Variants in MYO16 observed in about 807,000 individuals in gnomAD.
The protein encoded by MYO16 is unconventional myosin-XVI.
Under a neutral mutation model 205.3 loss-of-function variants are expected in MYO16, and 94 were observed. The observed-to-expected ratio is 0.46, with a 90% CI of 0.39 to 0.54. The LOEUF is 0.54. Among genes scored for constraint, MYO16 ranks in the 20% least tolerant of loss-of-function variants. The pLI is 0.00. For synonymous variants in MYO16, 988 were observed against 954.0 expected (o/e 1.04, Z -0.66); for missense variants, 2,315 against 2,387.5 (o/e 0.97, Z 0.63).
chr13:108,865,616 A>G (rs1253143341), intron 11 of MYO16, among the ~76,000 whole-genome samples: 3 of 151,910 alleles, frequency 2.0e-5, no homozygotes. Context: ...TAATTGGAGT[A>G]TTTGGTACCT....
chr13:109,080,718 G>GA (rs1888258473), intron 27 of MYO16, among the ~76,000 whole-genome samples: 2 of 151,842 alleles, frequency 1.3e-5, no homozygotes. Flanking sequence ...TCTGAGACAT[G>GA]AAAAAAAATT....
intron 33 of MYO16, among the ~76,000 whole-genome samples, chr13:109,174,840 C>T (rs1594159240): frequency 6.6e-6 from 1 of 150,464 alleles, no homozygotes; most frequent in Admixed American, 6.7e-5. Flanking sequence ...CAAACTCCGC[C>T]TCCCAGGTTC....
chr13:108,857,177 A>T (rs1190016390), intron 11 of MYO16, among the ~76,000 whole-genome samples: 1 of 151,882 alleles, frequency 6.6e-6, no homozygotes, highest in Non-Finnish European at 1.5e-5. Context: ...AAATAATCCC[A>T]CTCTTTAAGT....
intron 2 of MYO16, among the ~76,000 whole-genome samples, chr13:108,682,341 T>A (rs1255225249): frequency 1.3e-5 from 2 of 152,130 alleles, no homozygotes; most frequent in African/African-American, 4.8e-5. Context: ...ATGTCAGAGA[T>A]AACAAGAGGC....
intron 29 of MYO16, among the ~76,000 whole-genome samples, chr13:109,121,120 C>G (rs1166119439): frequency 6.6e-6 from 1 of 152,124 alleles, no homozygotes; most frequent in African/African-American, 2.4e-5. Context: ...GTCCCTTGAA[C>G]AGTCTCTGTT....
Position 108,898,009 on chromosome 13 carries a change from C to A in MYO16, c.1660-7C>A. The A allele has an allele frequency of 6.3e-7, 1 of 1,596,766 alleles. No individual in the cohort carries two copies. Among genetic ancestry groups the A allele is most frequent in the Non-Finnish European group, 8.6e-7 (1 of 1,164,240 alleles). On this transcript the variant is annotated splice_region_variant and splice_polypyrimidine_tract_variant and intron_variant, in intron 14 of 34. Coordinates refer to ENST00000457511, the MANE Select transcript of MYO16 (RefSeq NM_001198950.3). ...GCAGTTCAGTAAAATGTTCTCCTCT[C>A]CCACAGGTCGTGTGCATCTTAGAAG... is the stretch of plus-strand genomic sequence containing the variant.
intron 1 of MYO16, among the ~76,000 whole-genome samples, chr13:108,646,572 A>C (rs964867433): frequency 6.6e-6 from 1 of 152,190 alleles, no homozygotes; most frequent in African/African-American, 2.4e-5. Flanking sequence ...GCCTTTATCA[A>C]ATTTCAGATC....
intron 16 of MYO16, among the ~76,000 whole-genome samples, chr13:108,927,795 C>T (rs1348697239): frequency 1.3e-5 from 2 of 152,302 alleles, no homozygotes; most frequent in South Asian, 4.1e-4. Flanking sequence ...CAGGCGTTTC[C>T]TGCCCTCTCC....
intron 16 of MYO16, among the ~76,000 whole-genome samples, chr13:108,932,797 C>T (rs566178303): frequency 3.9e-5 from 6 of 152,172 alleles, no homozygotes; most frequent in Non-Finnish European, 7.3e-5. Context: ...CCTTTCCGCA[C>T]TGGTCCTTTG....
chr13:108,954,330 A>G (rs1883266565), intron 16 of MYO16, among the ~76,000 whole-genome samples: 1 of 152,190 alleles, frequency 6.6e-6, no homozygotes, highest in African/African-American at 2.4e-5. Context: ...TCAATGGATT[A>G]TTAACCTGTG....
At chr13:109,187,249 C>T (rs927814141) in intron 34 of MYO16, among the ~76,000 whole-genome samples, 1 of 152,192 alleles carries the variant, frequency 6.6e-6, no homozygotes, top group African/African-American at 2.4e-5. Context: ...CAGTTTCATG[C>T]ATGGCAAACA....
intron 20 of MYO16, among the ~76,000 whole-genome samples, chr13:108,966,036 C>G (rs1050549003): frequency 1.3e-5 from 2 of 152,094 alleles, no homozygotes; most frequent in Admixed American, 1.3e-4. Flanking sequence ...CAGAAGATTT[C>G]AAAGACAAGA....
the MYO16 span, among the ~76,000 whole-genome samples, chr13:108,563,447 T>G: frequency 6.6e-6 from 1 of 152,172 alleles, no homozygotes; most frequent in African/African-American, 2.4e-5. Context: ...ACTAATTTTT[T>G]GTACCCACTA....
At chr13:108,778,400 C>T (rs1001096441) in intron 4 of MYO16, among the ~76,000 whole-genome samples, 26 of 152,184 alleles carry the variant, frequency 1.7e-4, no homozygotes, top group African/African-American at 4.3e-4. Context: ...AAGTGGATCA[C>T]TTGAGGTCAG....
intron 23 of MYO16, among the ~76,000 whole-genome samples, chr13:109,041,460 C>A (rs779439937): frequency 2.6e-5 from 4 of 152,124 alleles, no homozygotes; most frequent in Non-Finnish European, 5.9e-5. Context: ...AGGAATTCAC[C>A]TTCTCCATTT....
intron 16 of MYO16, among the ~76,000 whole-genome samples, chr13:108,932,320 A>T (rs11069756): frequency 2.0e-5 from 3 of 151,964 alleles, no homozygotes; most frequent in African/African-American, 4.8e-5. Flanking sequence ...ACTGCTGCTT[A>T]TTCTGCCTGC....
intron 1 of MYO16, among the ~76,000 whole-genome samples, chr13:108,660,595 C>T (rs868494385): frequency 3.9e-5 from 6 of 152,230 alleles, no homozygotes; most frequent in Middle Eastern, 3.4e-3. Context: ...AATAGCCACC[C>T]CTGCTTCCTT....
intron 2 of MYO16, among the ~76,000 whole-genome samples, chr13:108,694,932 G>C (rs1268713351): frequency 1.3e-5 from 2 of 152,044 alleles, no homozygotes; most frequent in African/African-American, 4.8e-5. Context: ...GACCAACATG[G>C]AGAAACCCCG....
intron 13 of MYO16, among the ~76,000 whole-genome samples, chr13:108,883,824 T>A (rs1879729983): frequency 6.6e-6 from 1 of 152,072 alleles, no homozygotes; most frequent in African/African-American, 2.4e-5. Context: ...GAGATCTCAC[T>A]ATATTGCCCA....
Sources: gnomAD v4.1 joint callset for allele counts (sites outside exome capture counted in the v4.1 genomes callset) on GRCh38, gnomAD v4.1.1 for gene constraint, MANE v1.5 for transcripts, NCBI Gene and HGNC (gene_info 2026-07-23, HGNC 2026-07-21) for gene names.